Variants in ORC3 observed in about 807,000 individuals in gnomAD.
ORC3 encodes homolog of latheo, Drosophila.
In ORC3, 78 loss-of-function variants were observed where a neutral mutation model predicts 100.7. The observed-to-expected ratio is 0.77, with a 90% CI of 0.65 to 0.94. ORC3 has a LOEUF of 0.94. ORC3 is among the 40% of genes least tolerant of loss of function. The probability of loss-of-function intolerance (pLI) is 0.00; values close to 1 mark genes in which losing one functional copy is unlikely to be tolerated. For missense variants in ORC3, 789 were observed against 823.9 expected (o/e 0.96, Z 0.52); for synonymous variants, 295 against 289.3 (o/e 1.02, Z -0.20).
intron 8 of ORC3, among the ~76,000 whole-genome samples, chr6:87,613,488 G>A (rs1222136093): frequency 1.3e-5 from 2 of 152,072 alleles, no homozygotes; most frequent in Admixed American, 1.3e-4. Flanking sequence ...AACCAATCAT[G>A]CCTTCCCAAC....
intron 9 of ORC3, among the ~76,000 whole-genome samples, chr6:87,620,889 A>G (rs1779486167): frequency 6.6e-6 from 1 of 152,196 alleles, no homozygotes; most frequent in Admixed American, 6.5e-5. Flanking sequence ...ATTTGTAAAG[A>G]TAAATTTTCA....
At chr6:87,671,579 AAGCTCG>A (rs1315450461), downstream of ORC3, among the ~76,000 whole-genome samples, 6 of 151,764 alleles carry the variant, frequency 4.0e-5, no homozygotes, top group Non-Finnish European at 7.4e-5. Context: ...GCCCAAGGTC[AAGCTCG>A]GGGGCACACC....
At chr6:87,621,235 A>G (rs1029910751) in intron 9 of ORC3, 119 bp from the exon 10 acceptor site, 14 of 590,032 alleles carry the variant, frequency 2.4e-5, no homozygotes, top group African/African-American at 2.3e-4. Flanking sequence ...ATTATTAAAT[A>G]TATTAGTGCC....
chr6:87,590,930 G>A (rs773397872), intron 1 of ORC3, among the ~76,000 whole-genome samples: 7 of 152,166 alleles, frequency 4.6e-5, no homozygotes, highest in Non-Finnish European at 1.0e-4. Context: ...ACCTCCTCAT[G>A]TTGGCTACCT....
intron 13 of ORC3, among the ~76,000 whole-genome samples, chr6:87,637,989 T>G (rs1191948754): frequency 6.6e-6 from 1 of 152,202 alleles, no homozygotes; most frequent in Admixed American, 6.5e-5. Flanking sequence ...GTGACTTGCC[T>G]GAGATCACCT....
chr6:87,653,300 T>G (rs757010182), intron 14 of ORC3, 51 bp downstream of exon 14: 2 of 1,558,444 alleles, frequency 1.3e-6, no homozygotes, highest in East Asian at 2.2e-5. Flanking sequence ...GTCATTTAAC[T>G]AAAATGGCAT....
chr6:87,611,162 C>G (rs28381488), intron 7 of ORC3, among the ~76,000 whole-genome samples: 1 of 151,858 alleles, frequency 6.6e-6, no homozygotes, highest in Admixed American at 6.6e-5. Flanking sequence ...GTCTCAAACT[C>G]TTGGCCTCAA....
intron 6 of ORC3, 122 bp downstream of exon 6, chr6:87,607,946 T>C (rs1196579355): frequency 5.1e-6 from 3 of 588,168 alleles, no homozygotes; most frequent in Non-Finnish European, 8.5e-6. Flanking sequence ...TAGGTGTTAA[T>C]TTAAAAGTAG....
At chr6:87,647,352 A>G (rs896652524) in intron 13 of ORC3, among the ~76,000 whole-genome samples, 12 of 151,994 alleles carry the variant, frequency 7.9e-5, no homozygotes, top group African/African-American at 2.4e-4. Flanking sequence ...TATGCCCACT[A>G]TGGAACCTTT....
chr6:87,676,759 G>A, the ORC3 span, among the ~76,000 whole-genome samples: 5 of 147,988 alleles, frequency 3.4e-5, no homozygotes, highest in Non-Finnish European at 7.4e-5. Flanking sequence ...CGGCCTGGGC[G>A]ACAGAGTGAG....
intron 16 of ORC3, among the ~76,000 whole-genome samples, chr6:87,658,946 T>C (rs143366274): frequency 0.012 from 1,484 of 126,000 alleles, 25 homozygotes; most frequent in African/African-American, 0.042. Flanking sequence ...CACCTAAGTT[T>C]GGTGGAAGTT....
intron 16 of ORC3, among the ~76,000 whole-genome samples, chr6:87,659,855 C>T (rs1231779637): frequency 6.6e-6 from 1 of 151,452 alleles, no homozygotes. Flanking sequence ...GCACTCCAGC[C>T]TAGGCAACAG....
At chr6:87,620,935 T>C (rs1469297928) in intron 9 of ORC3, among the ~76,000 whole-genome samples, 1 of 152,194 alleles carries the variant, frequency 6.6e-6, no homozygotes, top group Non-Finnish European at 1.5e-5. Flanking sequence ...GCTCCTACCA[T>C]TGCAGCATTA....
the ORC3 span, among the ~76,000 whole-genome samples, chr6:87,676,622 CACACAAACAT>C: frequency 1.6e-5 from 2 of 123,180 alleles, no homozygotes; most frequent in African/African-American, 5.7e-5. Context: ...CACACACACA[CACACAAACAT>C]AGCTGGGCAT....
In ORC3 at chr6:87,634,822, A is replaced by G. The variant is rs1164551109; in HGVS notation, c.1186-23A>G. ...CTTTTATTAGCTGACTTACATATTA[A>G]TAATATATTCTGTGATTTTTAGGAG... On this transcript the variant is annotated intron_variant, in intron 11 of 19. Transcript: ENST00000392844. 7.5e-6 allele frequency: 8 copies of G among 1,071,088 alleles called. No individual in the cohort carries two copies. The South Asian group carries it at 1.0e-4, about 13-fold the overall frequency. The allele number at this position is 1,071,088 out of a possible 1,614,324, so 66.3% of individuals were successfully genotyped here.
chr6:87,673,854 G>A, the ORC3 span, among the ~76,000 whole-genome samples: 3 of 151,020 alleles, frequency 2.0e-5, no homozygotes, highest in South Asian at 6.3e-4. Flanking sequence ...AAAAAAAGTA[G>A]GGGGGAAGGG....
intron 13 of ORC3, among the ~76,000 whole-genome samples, chr6:87,637,255 A>G (rs754722025): frequency 6.6e-6 from 1 of 152,198 alleles, no homozygotes; most frequent in Non-Finnish European, 1.5e-5. Flanking sequence ...GCCCACAAGA[A>G]AAGAACAGAT....
intron 16 of ORC3, among the ~76,000 whole-genome samples, chr6:87,658,938 C>G (rs939870493): frequency 7.1e-6 from 1 of 140,068 alleles, no homozygotes; most frequent in African/African-American, 2.7e-5. Flanking sequence ...AAATCACCCA[C>G]CTAAGTTTGG....
chr6:87,599,447 A>C (rs1340729579), intron 2 of ORC3, among the ~76,000 whole-genome samples: 1 of 151,704 alleles, frequency 6.6e-6, no homozygotes, highest in African/African-American at 2.4e-5. Flanking sequence ...AGCTCACTGC[A>C]ACCTCTGCCT....
Sources: allele counts gnomAD v4.1 joint callset (sites outside exome capture counted in the v4.1 genomes callset), GRCh38; gene constraint gnomAD v4.1.1; transcripts MANE v1.5; gene names NCBI Gene and HGNC (gene_info 2026-07-23, HGNC 2026-07-21).